The following ADGRG1 variants were observed in gnomAD, a reference collection of about 807,000 sequenced individuals.
ADGRG1 encodes the protein 7-transmembrane protein with no EGF-like N-terminal domains-1.
Under a neutral mutation model 73.5 loss-of-function variants are expected in ADGRG1, and 53 were observed. The observed-to-expected ratio is 0.72, with a 90% CI of 0.58 to 0.91. ADGRG1 has a LOEUF of 0.91. ADGRG1 is among the 40% of genes least tolerant of loss of function. The pLI is 0.00. For missense variants in ADGRG1, 795 were observed against 871.8 expected, an observed-to-expected ratio of 0.91 and a Z score of 1.11; for synonymous variants, 394 against 374.4, an observed-to-expected ratio of 1.05 and a Z score of -0.60.
chr16:57,633,417 A>G (rs1286570784), intron 1 of ADGRG1: 1 of 985,244 alleles, frequency 1.0e-6, no homozygotes, highest in African/African-American at 1.7e-5. Flanking sequence ...TGTGGGGATG[A>G]ACCGAGACAG....
intron 3 of ADGRG1, among the ~76,000 whole-genome samples, chr16:57,652,321 G>A (rs2044302304): frequency 6.6e-6 from 1 of 151,956 alleles, no homozygotes; most frequent in Non-Finnish European, 1.5e-5. Flanking sequence ...TTTACTGGGG[G>A]GTTTTCATGT....
At chr16:57,628,487 C>T (rs372467096), upstream of ADGRG1, 42 of 984,280 alleles carry the variant, frequency 4.3e-5, no homozygotes, top group East Asian at 3.9e-3. Flanking sequence ...CTCAGCCCTG[C>T]CCCCTCCTGG....
intron 8 of ADGRG1, 72 bp downstream of exon 8, chr16:57,656,343 T>C: frequency 6.7e-7 from 1 of 1,488,796 alleles, no homozygotes; most frequent in South Asian, 1.1e-5. Context: ...GTGGGGGAGG[T>C]GGGGTTAATC....
At chr16:57,645,591 A>T (rs1300888436) in intron 1 of ADGRG1, among the ~76,000 whole-genome samples, 2 of 152,110 alleles carry the variant, frequency 1.3e-5, no homozygotes, top group Non-Finnish European at 2.9e-5. Flanking sequence ...CTCTCTGACC[A>T]TCTCTAAACC....
chr16:57,648,424 AG>A, intron 1 of ADGRG1: 3 of 979,880 alleles, frequency 3.1e-6, no homozygotes, highest in Non-Finnish European at 3.6e-6. Flanking sequence ...CACCAGGGCA[AG>A]ATGATGTGCC....
rs576179668 is a variant in ADGRG1 at position 57,664,003 on chromosome 16, G to A, written c.*421G>A. On this transcript the variant is annotated 3_prime_UTR_variant, in exon 14 of 14. Transcript: ENST00000562631. ...TGTGGCTCCAGTTGCTCTGTCTCTC[G>A]TGGTCACCCTGAGGGCACTCTGCAT... 1.9e-4 allele frequency: 51 copies of A among 265,606 alleles called. No homozygotes were observed. Among genetic ancestry groups the A allele is most frequent in the African/African-American group, 9.6e-4 (43 of 44,684 alleles). The allele number at this position is 265,606 out of a possible 1,614,324, so 16.5% of individuals were successfully genotyped here.
In ADGRG1 at chr16:57,661,814, C is replaced by G. The variant is rs781009917; in HGVS notation, c.1782C>G (p.Arg594=). ...TGGTGGTGCAGATCCTGCGGCTGCGCCCCCACACCCAAAAGTGGTCACATG... is the reference window on the plus strand; with the variant it reads ...TGGTGGTGCAGATCCTGCGGCTGCGGCCCCACACCCAAAAGTGGTCACATG... ...ATMVVQILRL[R]PHTQKWSHVL... The change falls in exon 13 of 14, where the codon CGC becomes CGG. Residue 594 remains arginine, a synonymous_variant. Transcript: ENST00000562631. 1.1e-5 allele frequency: 18 copies of G among 1,614,244 alleles called. No individual in the cohort carries two copies. The highest frequency in any genetic ancestry group is 8.5e-6 in the Non-Finnish European group (10 of 1,180,030).
At chr16:57,654,251 G>A (rs1443497559) in intron 5 of ADGRG1, 118 bp downstream of exon 5, 7 of 1,048,138 alleles carry the variant, frequency 6.7e-6, no homozygotes, top group African/African-American at 3.2e-5. Context: ...GGGGCCTCCC[G>A]AGAAGGTTCC....
chr16:57,645,168 C>G, intron 1 of ADGRG1: 1 of 985,484 alleles, frequency 1.0e-6, no homozygotes, highest in Non-Finnish European at 1.2e-6. Context: ...AGCTCAGTGT[C>G]GTGCCCCAGC....
At position 57,640,770 on chromosome 16, in the gene ADGRG1, G is replaced by A. The variant is rs575830342; in HGVS notation, c.-35-9483G>A. 7.1e-5 allele frequency: 32 copies of A among 452,652 alleles called. No individual in the cohort carries two copies. The South Asian group carries it at 1.7e-3, about 24-fold the overall frequency. The allele number at this position is 452,652 out of a possible 1,614,324, so 28.0% of individuals were successfully genotyped here. A position where few individuals can be genotyped will look rare whatever the true frequency, so the allele number is the denominator to read the frequency against. On this transcript the variant is annotated intron_variant, in intron 1 of 13. Coordinates refer to ENST00000562631, the MANE Select transcript of ADGRG1 (RefSeq NM_201525.4). The stretch of plus-strand genomic sequence containing the variant: ...CCCTCAGCCAGTGATCCAGGACCTC[G>A]AGGAGGGGGAGGAAAAAAGAAAGGG...
upstream of ADGRG1, among the ~76,000 whole-genome samples, chr16:57,625,890 C>T (rs756990956): frequency 3.9e-5 from 6 of 152,214 alleles, no homozygotes; most frequent in Non-Finnish European, 7.3e-5. Flanking sequence ...ATGCTGTTCC[C>T]TCTGCCTGGG....
chr16:57,659,197 G>T (rs2046454241), intron 10 of ADGRG1: 1 of 985,416 alleles, frequency 1.0e-6, no homozygotes, highest in Admixed American at 6.1e-5. Context: ...ACGTGCACGT[G>T]GTGCCTGAGT....
Position 57,628,692 on chromosome 16 carries a change from C to T in ADGRG1, c.-146C>T. 1 of 985,524 alleles carries T rather than the reference C, an allele frequency of 1.0e-6. No individual in the cohort carries two copies. Among genetic ancestry groups the T allele is most frequent in the Non-Finnish European group, 1.2e-6 (1 of 829,970 alleles). 61.0% of individuals were successfully genotyped at this position (985,524 alleles called of 1,614,324 possible). On this transcript the variant is annotated 5_prime_UTR_variant, in exon 1 of 14. Transcript: ENST00000562631. ...GCTGGGAGCCTCCCACGCTCTCCAG[C>T]TCACTCGGCAGGCAGCGGGGACCAG...
chr16:57,663,670 G>A lies in ADGRG1; in HGVS notation c.*88G>A. 6 of 1,452,720 alleles carry A rather than the reference G, an allele frequency of 4.1e-6. No individual in the cohort carries two copies. The highest frequency in any genetic ancestry group is 5.7e-6 in the Non-Finnish European group (6 of 1,048,046). 90.0% of individuals were successfully genotyped at this position (1,452,720 alleles called of 1,614,324 possible). A position where few individuals can be genotyped will look rare whatever the true frequency, so the allele number is the denominator to read the frequency against. On this transcript the variant is annotated 3_prime_UTR_variant, in exon 14 of 14. Coordinates refer to ENST00000562631, the MANE Select transcript of ADGRG1 (RefSeq NM_201525.4). ...GCCCCCGAGCCCGGCCCAGCCCCAGGCCAGTCAGCCGCAGACTTTGGAAAG... is the reference window on the plus strand; with the variant it reads ...GCCCCCGAGCCCGGCCCAGCCCCAGACCAGTCAGCCGCAGACTTTGGAAAG...
chr16:57,639,477 T>G, intron 1 of ADGRG1: 3 of 985,452 alleles, frequency 3.0e-6, no homozygotes, highest in Non-Finnish European at 3.6e-6. Flanking sequence ...GGCTGTCCCC[T>G]TTGTTTGAAG....
In ADGRG1 at chr16:57,651,393, C is replaced by T. The variant is rs773481587; in HGVS notation, c.258C>T (p.Gly86=). Residue 86 remains glycine, a synonymous_variant, in exon 3 of 14, where the codon GGC becomes GGT. Transcript: ENST00000562631. ...PASRSFPDPR[G]LYHFCLYWNR... The stretch of plus-strand genomic sequence containing the variant: ...CCCGATCCTTCCCTGACCCCAGGGG[C>T]CTCTACCACTTCTGCCTCTACTGGA... The T allele has an allele frequency of 6.2e-7, 1 of 1,614,100 alleles. No individual in the cohort carries two copies. Among genetic ancestry groups the T allele is most frequent in the Admixed American group, 1.7e-5 (1 of 60,024 alleles).
intron 1 of ADGRG1, chr16:57,637,387 G>C (rs994912741): frequency 1.0e-6 from 1 of 985,026 alleles, no homozygotes; most frequent in Non-Finnish European, 1.2e-6. Flanking sequence ...TGGGGAAGCT[G>C]TGCCTCTGTT....
At chr16:57,628,106 C>A, upstream of ADGRG1, 1 of 981,872 alleles carries the variant, frequency 1.0e-6, no homozygotes, top group African/African-American at 1.8e-5. Context: ...CGTGCGTGGC[C>A]TGGCTGGCCT....
intron 1 of ADGRG1, chr16:57,639,233 C>A: frequency 3.0e-6 from 3 of 985,112 alleles, no homozygotes; most frequent in Non-Finnish European, 3.6e-6. Flanking sequence ...AAATCGCTGT[C>A]CTAACCCCTG....
Sources: allele counts gnomAD v4.1 joint callset (sites outside exome capture counted in the v4.1 genomes callset), GRCh38; gene constraint gnomAD v4.1.1; transcripts MANE v1.5; gene names NCBI Gene and HGNC (gene_info 2026-07-23, HGNC 2026-07-21).